Variants in KDM2A observed in about 807,000 individuals in gnomAD.
KDM2A encodes lysine-specific demethylase 2A.
In KDM2A, 3 loss-of-function variants were observed where a neutral mutation model predicts 137.3. The observed-to-expected ratio is 0.02, with a 90% CI of 0.01 to 0.06. KDM2A has a LOEUF of 0.06. Among genes scored for constraint, KDM2A ranks in the 10% least tolerant of loss-of-function variants. KDM2A has a pLI of 1.00. For synonymous variants in KDM2A, 512 were observed against 541.5 expected (o/e 0.95, Z 0.76); for missense variants, 738 against 1,510.6 (o/e 0.49, Z 8.48).
chr11:67,208,418 A>G (rs1857878535), intron 6 of KDM2A, among the ~76,000 whole-genome samples: 2 of 151,810 alleles, frequency 1.3e-5, no homozygotes, highest in South Asian at 2.1e-4. Context: ...TCTGATTTGT[A>G]TCACAGTAAC....
At chr11:67,180,452 T>A (rs1315528405) in intron 3 of KDM2A, 1 of 362,814 alleles carries the variant, frequency 2.8e-6, no homozygotes, top group African/African-American at 2.1e-5. Flanking sequence ...TATTGTTGGA[T>A]TTTTTTGCCT....
At position 67,199,980 on chromosome 11, in the gene KDM2A, A is replaced by G. The variant is rs75744660; in HGVS notation, c.308-7530A>G. Among the ~76,000 whole-genome samples the G allele has an allele frequency of 6.6e-5, 10 of 152,314 alleles. No individual in the cohort carries two copies. The East Asian group carries it at 1.9e-3, about 29-fold the overall frequency. ...ACATTCCAAAAAAAGCTTATTTACC[A>G]TTCCAAAATCCTAGGGCCCTTAAGA... is the stretch of plus-strand genomic sequence containing the variant. On this transcript the variant is annotated intron_variant, in intron 5 of 20. Transcript: ENST00000529006.
intron 5 of KDM2A, among the ~76,000 whole-genome samples, chr11:67,182,982 G>A (rs1857123735): frequency 6.6e-6 from 1 of 152,192 alleles, no homozygotes; most frequent in South Asian, 2.1e-4. Flanking sequence ...AAGTACTGCA[G>A]TACTATCTCC....
intron 2 of KDM2A, among the ~76,000 whole-genome samples, chr11:67,144,883 T>G (rs571041838): frequency 6.7e-6 from 1 of 149,490 alleles, no homozygotes; most frequent in East Asian, 2.0e-4. Flanking sequence ...TTTATTTATA[T>G]TTTTGAGACA....
intron 6 of KDM2A, among the ~76,000 whole-genome samples, chr11:67,209,674 C>T (rs1447944505): frequency 6.6e-6 from 1 of 152,138 alleles, no homozygotes. Context: ...GAACCCCTGA[C>T]CTCAGGTGAT....
chr11:67,152,183 T>A (rs778003097), intron 2 of KDM2A, among the ~76,000 whole-genome samples: 1 of 151,900 alleles, frequency 6.6e-6, no homozygotes, highest in Non-Finnish European at 1.5e-5. Context: ...CGTGGTGGTG[T>A]GCACCTGTGC....
chr11:67,174,116 G>A (rs1856930164), intron 2 of KDM2A, among the ~76,000 whole-genome samples: 1 of 152,174 alleles, frequency 6.6e-6, no homozygotes, highest in African/African-American at 2.4e-5. Flanking sequence ...AAATTAGCTG[G>A]ATGTGGTGGC....
chr11:67,180,002 G>A lies in KDM2A; in HGVS notation c.43-77G>A. On this transcript the variant is annotated intron_variant, in intron 2 of 20. Coordinates refer to ENST00000529006, the MANE Select transcript of KDM2A (RefSeq NM_012308.3). ...AGTTTGAAAGTAGCACTTTGCACAT[G>A]TAGGGAAATCTATGACCACTTGTAG... The A allele has an allele frequency of 4.1e-6, 6 of 1,451,480 alleles. No individual in the cohort carries two copies. The South Asian group carries it at 6.8e-5, about 16-fold the overall frequency. The allele number at this position is 1,451,480 out of a possible 1,614,324, so 89.9% of individuals were successfully genotyped here.
At chr11:67,140,391 C>G (rs1006542145) in intron 2 of KDM2A, among the ~76,000 whole-genome samples, 1 of 151,822 alleles carries the variant, frequency 6.6e-6, no homozygotes, top group Admixed American at 6.6e-5. Flanking sequence ...TGGTTTTATA[C>G]AAAGAATATA....
At chr11:67,238,127 T>C (rs1377514710) in intron 12 of KDM2A, among the ~76,000 whole-genome samples, 1 of 152,178 alleles carries the variant, frequency 6.6e-6, no homozygotes, top group Non-Finnish European at 1.5e-5. Context: ...TCTTGTATTA[T>C]GTAATGTCAT....
chr11:67,242,173 C>T (rs1203983245), intron 12 of KDM2A, among the ~76,000 whole-genome samples: 1 of 152,098 alleles, frequency 6.6e-6, no homozygotes, highest in Non-Finnish European at 1.5e-5. Flanking sequence ...GTTCGTAAGT[C>T]ATTTAAATTT....
chr11:67,232,027 G>T, intron 12 of KDM2A, 67 bp downstream of exon 12: 1 of 1,478,480 alleles, frequency 6.8e-7, no homozygotes, highest in Non-Finnish European at 9.0e-7. Context: ...CAGATTCAGA[G>T]GGAGAAAATA....
chr11:67,129,219 A>T (rs1220274335), intron 2 of KDM2A, among the ~76,000 whole-genome samples: 2 of 152,268 alleles, frequency 1.3e-5, no homozygotes, highest in South Asian at 4.1e-4. Flanking sequence ...TGTAGCACAC[A>T]TGTCAGACTA....
At chr11:67,246,245 A>C in intron 15 of KDM2A, 129 bp downstream of exon 15, 1 of 987,068 alleles carries the variant, frequency 1.0e-6, no homozygotes, top group Admixed American at 1.8e-5. Flanking sequence ...CACATAATGC[A>C]GTGGTCTAAC....
intron 5 of KDM2A, among the ~76,000 whole-genome samples, chr11:67,189,645 G>A (rs541589167): frequency 1.3e-5 from 2 of 152,208 alleles, no homozygotes; most frequent in Admixed American, 1.3e-4. Flanking sequence ...TTCGAGACCA[G>A]CCTGGTCAAC....
chr11:67,240,494 C>T (rs764296395), intron 12 of KDM2A: 36 of 774,476 alleles, frequency 4.6e-5, no homozygotes, highest in Non-Finnish European at 6.6e-5. Context: ...TATGTTACTT[C>T]GTGTTGCTTG....
rs1859668266 is a variant in KDM2A at position 67,258,044 on chromosome 11, TG to T, written c.*2990del. On this transcript the variant is annotated 3_prime_UTR_variant, in exon 21 of 21. Coordinates refer to ENST00000529006, the MANE Select transcript of KDM2A (RefSeq NM_012308.3). ...GGTTTTGTTTTTGTTTGGGGGTTTT[TG>T]TTTTTTTAAAAAAATAAAAAGGCTT... 6.6e-6 allele frequency: 1 copy of T among 152,192 alleles called. No individual in the cohort carries two copies. The highest frequency in any genetic ancestry group is 6.5e-5 in the Admixed American group (1 of 15,284). The allele number at this position is 152,192 out of a possible 1,614,324, so 9.4% of individuals were successfully genotyped here.
At chr11:67,184,097 CAAAAA>C (rs34270166) in intron 5 of KDM2A, among the ~76,000 whole-genome samples, 1 of 66,188 alleles carries the variant, frequency 1.5e-5, no homozygotes, top group Non-Finnish European at 3.5e-5. Flanking sequence ...GACCCTGTCT[CAAAAA>C]AAAAAAAAAA....
chr11:67,135,731 AC>A (rs1246053353), intron 2 of KDM2A, among the ~76,000 whole-genome samples: 1 of 151,942 alleles, frequency 6.6e-6, no homozygotes, highest in Non-Finnish European at 1.5e-5. Flanking sequence ...TTTGATCATC[AC>A]CATCTTAGTC....
Sources: gnomAD v4.1 joint callset for allele counts (sites outside exome capture counted in the v4.1 genomes callset) on GRCh38, gnomAD v4.1.1 for gene constraint, MANE v1.5 for transcripts, NCBI Gene and HGNC (gene_info 2026-07-23, HGNC 2026-07-21) for gene names.